Variants in MS4A4E observed in about 807,000 individuals in gnomAD.
The protein encoded by MS4A4E is putative membrane-spanning 4-domains subfamily A member 4E.
MS4A4E carries 23 observed loss-of-function variants against 13.3 expected under a neutral mutation model. The ratio of observed to expected loss-of-function variants is 1.73; its 90% CI spans 1.25 to 2.45. The LOEUF (loss-of-function observed/expected upper bound fraction) is 2.45. MS4A4E is among the 30% of genes most tolerant of loss of function. MS4A4E has a pLI of 0.00. For missense variants in MS4A4E, 144 were observed against 131.2 expected (o/e 1.10, Z -0.48); for synonymous variants, 36 against 45.6 (o/e 0.79, Z 0.85).
At chr11:60,213,261 T>C in intron 4 of MS4A4E, 129 bp from the exon 5 acceptor site, 1 of 1,533,896 alleles carries the variant, frequency 6.5e-7, no homozygotes. Flanking sequence ...TTATAGTGGT[T>C]TCAACTCTGA....
At chr11:60,214,814 C>T (rs768964574) in intron 3 of MS4A4E, among the ~76,000 whole-genome samples, 200 bp from the exon 4 acceptor site, 12 of 152,024 alleles carry the variant, frequency 7.9e-5, no homozygotes, top group Admixed American at 2.0e-4. Flanking sequence ...ATGAGTCCAC[C>T]GGATAATTTA....
chr11:60,219,548 T>C (rs544748348), intron 3 of MS4A4E, among the ~76,000 whole-genome samples: 4 of 152,294 alleles, frequency 2.6e-5, no homozygotes, highest in South Asian at 2.1e-4. Context: ...ATTTGAATTA[T>C]AAAAACAGAG....
At chr11:60,217,141 C>A (rs1055937774) in intron 3 of MS4A4E, among the ~76,000 whole-genome samples, 1 of 152,092 alleles carries the variant, frequency 6.6e-6, no homozygotes, top group Non-Finnish European at 1.5e-5. Flanking sequence ...GCTTCAGAAG[C>A]AGATACTGAG....
Position 60,213,319 on chromosome 11 carries a change from T to G in MS4A4E, c.223-187A>C, listed in dbSNP as rs1234574117. 3 of 1,534,420 alleles carry G rather than the reference T, an allele frequency of 2.0e-6. No individual in the cohort carries two copies. The Admixed American group carries it at 5.9e-5, about 30-fold the overall frequency. On this transcript the variant is annotated intron_variant, in intron 4 of 8. Coordinates refer to ENST00000651255, the MANE Select transcript of MS4A4E (RefSeq NM_001393391.1). Reference sequence around the variant, plus strand: ...GATCCCATTATTCTCCAGCTTAAATTCTTCAGATAATTCCTGTGAGAAGAT... The same window carrying G: ...GATCCCATTATTCTCCAGCTTAAATGCTTCAGATAATTCCTGTGAGAAGAT...
At chr11:60,204,587 A>T (rs1176965463) in intron 8 of MS4A4E, among the ~76,000 whole-genome samples, 1 of 152,198 alleles carries the variant, frequency 6.6e-6, no homozygotes, top group Non-Finnish European at 1.5e-5. Flanking sequence ...GTGAAGAGGT[A>T]AGTTTGCTGC....
intron 2 of MS4A4E, among the ~76,000 whole-genome samples, chr11:60,228,915 A>G (rs1333298971): frequency 6.6e-6 from 1 of 152,248 alleles, no homozygotes; most frequent in Non-Finnish European, 1.5e-5. Flanking sequence ...AAGATTAGTG[A>G]TTGCCAGGGA....
In MS4A4E at chr11:60,228,594, C is replaced by G. The variant is rs892851818; in HGVS notation, c.178G>C (p.Val60Leu). 2.9e-6 allele frequency: 2 copies of G among 697,454 alleles called. No homozygotes were observed. Among genetic ancestry groups the G allele is most frequent in the African/African-American group, 3.5e-5 (2 of 57,098 alleles). 43.2% of individuals were successfully genotyped at this position (697,454 alleles called of 1,614,324 possible). The change falls in exon 3 of 9, where the codon GTA becomes CTA. Residue 60 changes from valine to leucine, a missense_variant and splice_region_variant. Coordinates refer to ENST00000651255, the MANE Select transcript of MS4A4E (RefSeq NM_001393391.1). The part of the protein sequence containing the change: ...LCGHKFSTHS[V>L]SLSVAAGIRT... ...AATACAATATAGTAATCATACTTAC[C>G]CGAATGAGTTGAAAACTTATGTCCA...
intron 5 of MS4A4E, among the ~76,000 whole-genome samples, chr11:60,209,543 G>A (rs1291198380): frequency 6.6e-6 from 1 of 152,180 alleles, no homozygotes; most frequent in Non-Finnish European, 1.5e-5. Context: ...GACACTAAAT[G>A]ATTTTATATG....
At chr11:60,225,432 G>C (rs1307846901) in intron 3 of MS4A4E, among the ~76,000 whole-genome samples, 1 of 152,104 alleles carries the variant, frequency 6.6e-6, no homozygotes, top group African/African-American at 2.4e-5. Flanking sequence ...GAATTAGAAA[G>C]CAATTATTGT....
chr11:60,237,698 G>A (rs2084500956), intron 1 of MS4A4E, among the ~76,000 whole-genome samples: 1 of 152,122 alleles, frequency 6.6e-6, no homozygotes, highest in Non-Finnish European at 1.5e-5. Context: ...TTTCTCTAAT[G>A]ATCAGTGATG....
Position 60,208,696 on chromosome 11 carries a change from T to C in MS4A4E, c.382-2A>G. The C allele has an allele frequency of 1.6e-5, 20 of 1,256,924 alleles. No homozygotes were observed. In the South Asian group the frequency reaches 3.0e-4, roughly 19 times the overall value. 77.9% of individuals were successfully genotyped at this position (1,256,924 alleles called of 1,614,324 possible). A position where few individuals can be genotyped will look rare whatever the true frequency, so the allele number is the denominator to read the frequency against. On this transcript the variant is annotated splice_acceptor_variant, in intron 5 of 8. Coordinates refer to ENST00000651255, the MANE Select transcript of MS4A4E (RefSeq NM_001393391.1). LOFTEE classifies it high-confidence loss of function. ...GAGGAGCACCATGCCATCCGTACCCTAGGAGAAAACTCATAACAAGGGAAT... is the reference window on the plus strand; with the variant it reads ...GAGGAGCACCATGCCATCCGTACCCCAGGAGAAAACTCATAACAAGGGAAT...
At chr11:60,228,553 C>G in intron 3 of MS4A4E, 41 bp downstream of exon 3, 1 of 641,792 alleles carries the variant, frequency 1.6e-6, no homozygotes, top group Non-Finnish European at 2.8e-6. Flanking sequence ...TCTTACAAAA[C>G]TAAACATACT....
chr11:60,203,779 C>A (rs137986325), intron 8 of MS4A4E, among the ~76,000 whole-genome samples: 2 of 152,204 alleles, frequency 1.3e-5, no homozygotes, highest in South Asian at 2.1e-4. Flanking sequence ...AAAAGAATAA[C>A]TATTTTTCTT....
At chr11:60,211,312 T>A (rs776849433) in intron 5 of MS4A4E, among the ~76,000 whole-genome samples, 1 of 152,156 alleles carries the variant, frequency 6.6e-6, no homozygotes, top group African/African-American at 2.4e-5. Flanking sequence ...AGAAATAAAA[T>A]TACTTACTAT....
intron 5 of MS4A4E, among the ~76,000 whole-genome samples, chr11:60,211,269 G>T (rs1373345140): frequency 6.6e-6 from 1 of 152,180 alleles, no homozygotes; most frequent in Non-Finnish European, 1.5e-5. Flanking sequence ...ATTCTCAAAA[G>T]AAACTTTCTT....
intron 1 of MS4A4E, among the ~76,000 whole-genome samples, chr11:60,241,523 T>G (rs1281382501): frequency 6.6e-6 from 1 of 152,192 alleles, no homozygotes; most frequent in African/African-American, 2.4e-5. Flanking sequence ...CTCTTATGAT[T>G]TTCCATAATT....
At chr11:60,209,653 G>A (rs1015098760) in intron 5 of MS4A4E, among the ~76,000 whole-genome samples, 4 of 152,216 alleles carry the variant, frequency 2.6e-5, no homozygotes, top group African/African-American at 7.2e-5. Flanking sequence ...TCTCCCCAGA[G>A]CACTGGCTTT....
At chr11:60,204,396 C>T (rs112066429) in intron 8 of MS4A4E, among the ~76,000 whole-genome samples, 4 of 152,080 alleles carry the variant, frequency 2.6e-5, no homozygotes, top group African/African-American at 4.8e-5. Context: ...CAGTTCTGCT[C>T]GTCTGTGAGC....
At chr11:60,202,406 A>G (rs1180661597) in intron 8 of MS4A4E, among the ~76,000 whole-genome samples, 2 of 152,228 alleles carry the variant, frequency 1.3e-5, no homozygotes, top group East Asian at 1.9e-4. Flanking sequence ...TATAGAATGT[A>G]TGGGAGCTTG....
Sources: gnomAD v4.1 joint callset for allele counts (sites outside exome capture counted in the v4.1 genomes callset) on GRCh38, gnomAD v4.1.1 for gene constraint, MANE v1.5 for transcripts, NCBI Gene and HGNC (gene_info 2026-07-23, HGNC 2026-07-21) for gene names.